Variants in PRPF6 observed in about 807,000 individuals in gnomAD.
The protein encoded by PRPF6 is pre-mRNA-processing factor 6.
In PRPF6, 42 loss-of-function variants were observed where a neutral mutation model predicts 118.3. That is an observed-to-expected ratio of 0.35 (90% CI 0.28 to 0.46). PRPF6 has a LOEUF of 0.46. PRPF6 is among the 20% of genes least tolerant of loss of function. The probability of loss-of-function intolerance (pLI) is 1.00; values close to 1 mark genes in which losing one functional copy is unlikely to be tolerated. For missense variants in PRPF6, 662 were observed against 1,255.7 expected, an observed-to-expected ratio of 0.53 and a Z score of 7.15; for synonymous variants, 481 against 485.1, an observed-to-expected ratio of 0.99 and a Z score of 0.11.
intron 3 of PRPF6, among the ~76,000 whole-genome samples, chr20:63,990,266 C>A (rs1601510759): frequency 6.6e-6 from 1 of 152,122 alleles, no homozygotes; most frequent in South Asian, 2.1e-4. Context: ...CCCACCAGGC[C>A]CCACCTCAAA....
In PRPF6 at chr20:63,987,410, G is replaced by C. The variant is rs189381567; in HGVS notation, c.359+2385G>C. Reference sequence around the variant, plus strand: ...TAATTTCAGCTACTCAGGAGGTGGAGGTTACAGTGAGCTGAGATTGTGCCA... The same window carrying C: ...TAATTTCAGCTACTCAGGAGGTGGACGTTACAGTGAGCTGAGATTGTGCCA... On this transcript the variant is annotated intron_variant, in intron 3 of 20. Transcript: ENST00000266079. Among the ~76,000 whole-genome samples, 25 of 152,130 alleles carry C rather than the reference G, an allele frequency of 1.6e-4. 1 individual carries two copies. Among genetic ancestry groups the C allele is most frequent in the Admixed American group, 1.6e-3 (25 of 15,278 alleles).
At chr20:64,021,297 T>C (rs1391190900) in intron 12 of PRPF6, among the ~76,000 whole-genome samples, 3 of 150,012 alleles carry the variant, frequency 2.0e-5, no homozygotes, top group African/African-American at 5.0e-5. Context: ...TGCGTGTGTG[T>C]GTGTGTGTGT....
At chr20:64,025,250 T>A (rs2059283718) in intron 14 of PRPF6, among the ~76,000 whole-genome samples, 3 of 152,176 alleles carry the variant, frequency 2.0e-5, no homozygotes, top group Non-Finnish European at 4.4e-5. Context: ...AGCTGCCTGT[T>A]TGAGATGGCA....
At chr20:63,993,990 T>C (rs1195500751) in intron 4 of PRPF6, among the ~76,000 whole-genome samples, 1 of 152,086 alleles carries the variant, frequency 6.6e-6, no homozygotes, top group Non-Finnish European at 1.5e-5. Context: ...ACTCTAGTGA[T>C]CTGCCCACCT....
intron 12 of PRPF6, among the ~76,000 whole-genome samples, chr20:64,017,880 T>C (rs536277396): frequency 2.0e-5 from 3 of 152,378 alleles, no homozygotes; most frequent in African/African-American, 7.2e-5. Context: ...GTTGGGACAG[T>C]GCTGTCAGGT....
chr20:64,018,201 GAA>G (rs950480166), intron 12 of PRPF6, among the ~76,000 whole-genome samples: 8 of 152,096 alleles, frequency 5.3e-5, no homozygotes, highest in Non-Finnish European at 8.8e-5. Context: ...CTCAAAAAAA[GAA>G]AAAGTCTCAC....
intron 9 of PRPF6, among the ~76,000 whole-genome samples, chr20:64,003,128 G>A (rs1456993904): frequency 6.6e-6 from 1 of 152,022 alleles, no homozygotes; most frequent in Admixed American, 6.6e-5. Context: ...TTTTGGTAGA[G>A]ATGGGATCTT....
intron 6 of PRPF6, among the ~76,000 whole-genome samples, chr20:63,995,845 C>T (rs548074433): frequency 2.5e-4 from 38 of 151,936 alleles, no homozygotes; most frequent in African/African-American, 7.7e-4. Flanking sequence ...TTTGTAGAGA[C>T]GGGGTTTTAC....
At chr20:63,997,188 A>G (rs1259590238) in intron 6 of PRPF6, among the ~76,000 whole-genome samples, 1 of 151,332 alleles carries the variant, frequency 6.6e-6, no homozygotes, top group Non-Finnish European at 1.5e-5. Context: ...TATAAATGTC[A>G]CTACTCTCTG....
At chr20:63,997,296 T>TC (rs1373293872) in intron 6 of PRPF6, among the ~76,000 whole-genome samples, 1 of 148,558 alleles carries the variant, frequency 6.7e-6, no homozygotes, top group East Asian at 1.9e-4. Context: ...TTCTTTTTTT[T>TC]TTTTTTTTTT....
chr20:64,028,099 C>T lies in PRPF6; in HGVS notation c.2339+363C>T, dbSNP rs1387325064. ...GACAGGAGCCTGCTAGGTGCAGGCT[C>T]TGTTCATGGAGGTGCTGCGTCCAGC... is the stretch of plus-strand genomic sequence containing the variant. On this transcript the variant is annotated intron_variant, in intron 17 of 20. Transcript: ENST00000266079. The surrounding 1 kb of genome is among the most constrained non-coding windows in gnomAD (Gnocchi z 6.5). Among the ~76,000 whole-genome samples, 2 of 152,070 alleles carry T rather than the reference C, an allele frequency of 1.3e-5. No individual in the cohort carries two copies. Among genetic ancestry groups the T allele is most frequent in the Non-Finnish European group, 1.5e-5 (1 of 68,014 alleles).
chr20:64,002,017 T>TTG (rs2059168967), intron 9 of PRPF6, among the ~76,000 whole-genome samples: 1 of 118,352 alleles, frequency 8.4e-6, no homozygotes, highest in Non-Finnish European at 1.8e-5. Context: ...TTTTCTGGTT[T>TTG]TTTTTTTTTT....
At chr20:63,990,709 A>G (rs2059114966) in intron 3 of PRPF6, among the ~76,000 whole-genome samples, 1 of 148,918 alleles carries the variant, frequency 6.7e-6, no homozygotes, top group Non-Finnish European at 1.5e-5. Context: ...CAATGGCGCA[A>G]CCTCGGCTTA....
chr20:64,021,343 C>CTG (rs1000791903), intron 12 of PRPF6, among the ~76,000 whole-genome samples: 49 of 140,338 alleles, frequency 3.5e-4, no homozygotes, highest in African/African-American at 1.3e-3. Context: ...AGCCGTGTGT[C>CTG]TGTGTGTGTG....
intron 9 of PRPF6, among the ~76,000 whole-genome samples, chr20:64,007,570 G>A (rs1454238936): frequency 6.6e-6 from 1 of 150,854 alleles, no homozygotes; most frequent in Non-Finnish European, 1.5e-5. Flanking sequence ...GGGCTCAAGC[G>A]ATTCTCCCAC....
Position 64,029,269 on chromosome 20 carries a change from G to GC in PRPF6, c.2432-104dup. 1 of 914,956 alleles carries GC rather than the reference G, an allele frequency of 1.1e-6. No homozygotes were observed. Among genetic ancestry groups the GC allele is most frequent in the African/African-American group, 1.6e-5 (1 of 61,818 alleles). 56.7% of individuals were successfully genotyped at this position (914,956 alleles called of 1,614,324 possible). ...AAGTTCTGCGAGCCGTGTGTGGGAG[G>GC]CCCCTGTCGTGGTCTGAGGACGTCC... On this transcript the variant is annotated intron_variant, in intron 18 of 20. Transcript: ENST00000266079. This position sits in a 1 kb window ranked among gnomAD's most constrained non-coding sequence, Gnocchi z 4.8.
At chr20:63,986,062 A>C (rs2059091752) in intron 3 of PRPF6, among the ~76,000 whole-genome samples, 1 of 152,184 alleles carries the variant, frequency 6.6e-6, no homozygotes, top group African/African-American at 2.4e-5. Context: ...GGCTGGGCGC[A>C]GTGGATCACG....
At chr20:63,993,250 GTGTGTGTGTGTGTATA>G (rs1013331063) in intron 3 of PRPF6, among the ~76,000 whole-genome samples, 141 bp from the exon 4 acceptor site, 7 of 138,864 alleles carry the variant, frequency 5.0e-5, no homozygotes, top group African/African-American at 1.9e-4. Context: ...GTGTGTGTGT[GTGTGTGTGTGTGTATA>G]TGTATATATA....
rs11905313 is a variant in PRPF6 at position 64,011,217 on chromosome 20, G to A, written c.1306-68G>A. On this transcript the variant is annotated intron_variant, in intron 10 of 20. Coordinates refer to ENST00000266079, the MANE Select transcript of PRPF6 (RefSeq NM_012469.4). This position sits in a 1 kb window ranked among gnomAD's most constrained non-coding sequence, Gnocchi z 6.7. The stretch of plus-strand genomic sequence containing the variant: ...GGTGGCCAACGCTGGAGGGTGGGTC[G>A]CTGTCTGGCCTGCAGCTGTCCCCCC... The A allele has an allele frequency of 1.3e-5, 19 of 1,474,180 alleles. No homozygotes were observed. The highest frequency in any genetic ancestry group is 2.3e-5 in the East Asian group (1 of 43,546). 91.3% of individuals were successfully genotyped at this position (1,474,180 alleles called of 1,614,324 possible). A position where few individuals can be genotyped will look rare whatever the true frequency, so the allele number is the denominator to read the frequency against.
Sources: allele counts gnomAD v4.1 joint callset (sites outside exome capture counted in the v4.1 genomes callset), GRCh38; gene constraint gnomAD v4.1.1; non-coding constraint Gnocchi (gnomAD v3.1); transcripts MANE v1.5; gene names NCBI Gene and HGNC (gene_info 2026-07-23, HGNC 2026-07-21).